Variants in TSEN2 observed in about 807,000 individuals in gnomAD.
TSEN2 encodes tRNA-splicing endonuclease subunit Sen2.
Under a neutral mutation model 59.2 loss-of-function variants are expected in TSEN2, and 54 were observed. The ratio of observed to expected loss-of-function variants is 0.91; its 90% confidence interval spans 0.73 to 1.14. The LOEUF is 1.14. Ranked by LOEUF, TSEN2 falls within the 50% of genes most tolerant of loss-of-function variation. TSEN2 has a pLI of 0.00. For missense variants in TSEN2, 636 were observed against 576.2 expected, an observed-to-expected ratio of 1.10 and a Z score of -1.06; for synonymous variants, 195 against 198.2, an observed-to-expected ratio of 0.98 and a Z score of 0.14.
Position 12,516,627 on chromosome 3 carries a change from A to T in TSEN2, c.926A>T (p.Tyr309Phe). Residue 309 changes from tyrosine to phenylalanine, a missense_variant, in exon 7 of 12, where the codon TAT becomes TTT. Coordinates refer to ENST00000284995, the MANE Select transcript of TSEN2 (RefSeq NM_025265.4). ...TATTTTCAGGCCTTTTTCTTGGTCTATGCTCTGGGATGTTTAAGTATTTAC... is the reference window on the plus strand; with the variant it reads ...TATTTTCAGGCCTTTTTCTTGGTCTTTGCTCTGGGATGTTTAAGTATTTAC... ...LSLEEAFFLV[Y>F]ALGCLSIYYE... 6.2e-7 allele frequency: 1 copy of T among 1,613,986 alleles called. No individual in the cohort carries two copies. The highest frequency in any genetic ancestry group is 8.5e-7 in the Non-Finnish European group (1 of 1,180,014).
At chr3:12,503,165 A>C in intron 4 of TSEN2, 97 bp from the exon 5 acceptor site, 2 of 1,375,874 alleles carry the variant, frequency 1.5e-6, no homozygotes, top group Non-Finnish European at 2.1e-6. Flanking sequence ...TGCTGTAAAC[A>C]TTTTGGTGTG....
chr3:12,500,833 A>T (rs2054214375), intron 4 of TSEN2, among the ~76,000 whole-genome samples: 1 of 152,098 alleles, frequency 6.6e-6, no homozygotes, highest in Non-Finnish European at 1.5e-5. Flanking sequence ...AAGGATTGGA[A>T]CCCACGTCTG....
downstream of TSEN2, among the ~76,000 whole-genome samples, chr3:12,534,557 C>A (rs1214121058): frequency 6.6e-6 from 1 of 152,068 alleles, no homozygotes; most frequent in Non-Finnish European, 1.5e-5. Flanking sequence ...AATCCCAGCA[C>A]TTTGGGAGGC....
chr3:12,521,571 T>C (rs2056639665), intron 8 of TSEN2, among the ~76,000 whole-genome samples: 1 of 151,618 alleles, frequency 6.6e-6, no homozygotes, highest in Admixed American at 6.6e-5. Context: ...AGAAATTAGC[T>C]GGGTGTGGTG....
At chr3:12,528,863 TC>T in intron 8 of TSEN2, 24 bp from the exon 9 acceptor site, 1 of 1,613,584 alleles carries the variant, frequency 6.2e-7, no homozygotes, top group South Asian at 1.1e-5. Flanking sequence ...TGGTTATACT[TC>T]TTTTTTTTCT....
intron 8 of TSEN2, among the ~76,000 whole-genome samples, chr3:12,521,792 A>G (rs1489739630): frequency 6.6e-6 from 1 of 152,156 alleles, no homozygotes; most frequent in Non-Finnish European, 1.5e-5. Context: ...CGGGCTGATC[A>G]TGAGGTCAGG....
At position 12,505,211 on chromosome 3, in the gene TSEN2, T is replaced by C. The variant is rs1315913635; in HGVS notation, c.889T>C (p.Leu297=). The change falls in exon 6 of 12, where the codon TTG becomes CTG. Residue 297 remains leucine, a synonymous_variant. Transcript: ENST00000284995. ...RRNPYRIFEY[L]QLSLEEAFFL... ...AAATCCATATAGGATCTTTGAGTAT[T>C]TGCAACTCAGCCTAGAAGAGGTATG... 1 of 1,611,582 alleles carries C rather than the reference T, an allele frequency of 6.2e-7. No homozygotes were observed. Among genetic ancestry groups the C allele is most frequent in the Non-Finnish European group, 8.5e-7 (1 of 1,177,706 alleles).
At chr3:12,483,693 T>A (rs2052310036), upstream of TSEN2, among the ~76,000 whole-genome samples, 1 of 152,206 alleles carries the variant, frequency 6.6e-6, no homozygotes, top group African/African-American at 2.4e-5. Context: ...CTTGCCATCC[T>A]CCTTTGCCTC....
intron 6 of TSEN2, chr3:12,515,095 G>A (rs896529100): frequency 3.3e-5 from 5 of 152,170 alleles, no homozygotes; most frequent in African/African-American, 9.7e-5. Flanking sequence ...TCCTGCAAGG[G>A]TCTTGGGGAT....
At position 12,533,626 on chromosome 3, in the gene TSEN2, A is replaced by G. The variant is rs895048447; in HGVS notation, c.*905A>G. ...AGTGAGCGGAGATTGTGCCACTGCA[A>G]TCCAGCCTGAGCAATAGAGCAAGGT... On this transcript the variant is annotated 3_prime_UTR_variant, in exon 12 of 12. Coordinates refer to ENST00000284995, the MANE Select transcript of TSEN2 (RefSeq NM_025265.4). 4 of 145,612 alleles carry G rather than the reference A, an allele frequency of 2.7e-5. No individual in the cohort carries two copies. The East Asian group carries it at 5.9e-4, about 22-fold the overall frequency. The allele number at this position is 145,612 out of a possible 1,614,324, so 9.0% of individuals were successfully genotyped here. A position where few individuals can be genotyped will look rare whatever the true frequency, so the allele number is the denominator to read the frequency against.
rs1575382168 is a variant in TSEN2 at position 12,514,434 on chromosome 3, A to T, written c.910-2177A>T. 4.6e-5 allele frequency among the ~76,000 whole-genome samples: 7 copies of T among 152,218 alleles called. 1 individual carries two copies. In the South Asian group the frequency reaches 1.5e-3, roughly 32 times the overall value. On this transcript the variant is annotated intron_variant, in intron 6 of 11. Coordinates refer to ENST00000284995, the MANE Select transcript of TSEN2 (RefSeq NM_025265.4). ...GACGTGATTTTCGTGTGCCAAGAAG[A>T]TGAATCTGGATGCTATGGAGAGTGG...
In TSEN2 at chr3:12,503,509, C is replaced by T; in HGVS notation, c.556C>T (p.Pro186Ser). Residue 186 changes from proline (P) to serine (S), a missense_variant, in exon 5 of 12, where the codon CCC becomes TCC. Pro to Ser is a moderately conservative substitution (Grantham distance 74, BLOSUM62 -1). Transcript: ENST00000284995. Reference protein sequence around the residue: ...DSGKSGGVGDPREPLGCLQEG... With the variant: ...DSGKSGGVGDSREPLGCLQEG... ...TGGAAAGTCAGGTGGTGTGGGTGAT[C>T]CCCGTGAGCCATTAGGCTGCCTGCA... 2 of 1,614,076 alleles carry T rather than the reference C, an allele frequency of 1.2e-6. No homozygotes were observed. Among genetic ancestry groups the T allele is most frequent in the South Asian group, 2.2e-5 (2 of 91,082 alleles).
At chr3:12,519,851 CA>C (rs1256999322) in intron 8 of TSEN2, among the ~76,000 whole-genome samples, 1 of 152,232 alleles carries the variant, frequency 6.6e-6, no homozygotes, top group Non-Finnish European at 1.5e-5. Context: ...TCAGTGGCCT[CA>C]TCTGCCAAGT....
intron 4 of TSEN2, among the ~76,000 whole-genome samples, chr3:12,502,609 C>G (rs1182305102): frequency 6.7e-6 from 1 of 149,908 alleles, no homozygotes; most frequent in African/African-American, 2.4e-5. Context: ...TTACCTAAAT[C>G]ACTTAATCTA....
At chr3:12,485,070 C>G (rs548490443) in intron 1 of TSEN2, among the ~76,000 whole-genome samples, 190 bp downstream of exon 1, 9 of 152,276 alleles carry the variant, frequency 5.9e-5, no homozygotes, top group South Asian at 2.1e-4. Flanking sequence ...ATGGCTTATT[C>G]TCAGGTTCTA....
rs1000827088 is a variant in TSEN2 at position 12,533,205 on chromosome 3, T to C, written c.*484T>C. 6.0e-6 allele frequency: 1 copy of C among 167,108 alleles called. No homozygotes were observed. The highest frequency in any genetic ancestry group is 2.4e-5 in the African/African-American group (1 of 41,734). The allele number at this position is 167,108 out of a possible 1,614,324, so 10.4% of individuals were successfully genotyped here. ...AGTATTGTACAATATTCGATAAGCA[T>C]ATCTTCACTGCACTTGTTATAAAAA... On this transcript the variant is annotated 3_prime_UTR_variant, in exon 12 of 12. Coordinates refer to ENST00000284995, the MANE Select transcript of TSEN2 (RefSeq NM_025265.4).
intron 8 of TSEN2, among the ~76,000 whole-genome samples, chr3:12,526,988 C>T (rs2057134875): frequency 2.0e-5 from 3 of 152,166 alleles, no homozygotes; most frequent in African/African-American, 7.2e-5. Context: ...ATTTTGGAAA[C>T]GGAGGCTCAG....
chr3:12,509,190 TG>T (rs1450922968), intron 6 of TSEN2, among the ~76,000 whole-genome samples: 2 of 140,474 alleles, frequency 1.4e-5, no homozygotes, highest in African/African-American at 5.8e-5. Flanking sequence ...GGGTTTTTTT[TG>T]GTTTTTTTTG....
intron 8 of TSEN2, among the ~76,000 whole-genome samples, chr3:12,521,872 G>T (rs1270491641): frequency 6.6e-6 from 1 of 152,062 alleles, no homozygotes; most frequent in Non-Finnish European, 1.5e-5. Context: ...TTAGCCAGAC[G>T]TGGTGGCAGG....
Sources: allele counts gnomAD v4.1 joint callset (sites outside exome capture counted in the v4.1 genomes callset), GRCh38; gene constraint gnomAD v4.1.1; transcripts MANE v1.5; gene names NCBI Gene and HGNC (gene_info 2026-07-23, HGNC 2026-07-21).